GTF3C2: variants seen among roughly 807,000 people sequenced by gnomAD.
GTF3C2 encodes the protein general transcription factor IIIC subunit 2.
A neutral mutation model predicts 117.4 loss-of-function variants in GTF3C2; 17 were observed. The observed-to-expected ratio is 0.14, with a 90% confidence interval of 0.10 to 0.22. The LOEUF is 0.22. GTF3C2 is among the 10% of genes least tolerant of loss of function. The pLI is 1.00. For missense variants in GTF3C2, 888 were observed against 1,143.6 expected (o/e 0.78, Z 3.22); for synonymous variants, 437 against 427.0 (o/e 1.02, Z -0.29).
intron 1 of GTF3C2, among the ~76,000 whole-genome samples, chr2:27,354,627 C>T (rs1572588938): frequency 1.3e-5 from 2 of 151,986 alleles, no homozygotes; most frequent in Non-Finnish European, 2.9e-5. Flanking sequence ...TGGTGGCAGG[C>T]GCCTGTAATC....
chr2:27,335,774 A>G, intron 9 of GTF3C2, 68 bp from the exon 10 acceptor site: 1 of 1,161,126 alleles, frequency 8.6e-7, no homozygotes, highest in South Asian at 1.3e-5. Flanking sequence ...TTGAGGTTCT[A>G]GTCCCTGAAA....
exon 5 of GTF3C2, chr2:27,337,989 G>A (rs1680558763): frequency 3.1e-6 from 5 of 1,611,954 alleles, no homozygotes; most frequent in Non-Finnish European, 4.2e-6. Flanking sequence ...TAAGCCATTG[G>A]GAGCCATTCC....
chr2:27,337,657 C>A, intron 5 of GTF3C2, 99 bp from the exon 6 acceptor site: 1 of 870,402 alleles, frequency 1.1e-6, no homozygotes, highest in Non-Finnish European at 1.9e-6. Flanking sequence ...ATTATCTGTG[C>A]TCCCCAATAT....
exon 19 of GTF3C2, chr2:27,326,620 T>C (rs762728750): frequency 3.1e-6 from 4 of 1,307,512 alleles, no homozygotes; most frequent in African/African-American, 1.5e-5. Flanking sequence ...GCTCTGTGCA[T>C]AGGGGCCATT....
intron 4 of GTF3C2, among the ~76,000 whole-genome samples, chr2:27,340,995 T>C (rs1362093779): frequency 1.3e-5 from 2 of 152,182 alleles, no homozygotes; most frequent in African/African-American, 4.8e-5. Flanking sequence ...TTAAAAATGT[T>C]TGTTGTACAG....
rs1361319917 is a variant in GTF3C2, at chr2:27,344,743, A to G, written c.-24-1165T>C. Among the ~76,000 whole-genome samples, 5 of 152,278 alleles carry G rather than the reference A, an allele frequency of 3.3e-5. No individual in the cohort carries two copies. The East Asian group carries it at 9.6e-4, about 29-fold the overall frequency. On this transcript the variant is annotated intron_variant, in intron 1 of 18. Coordinates refer to ENST00000264720, the Ensembl canonical transcript of GTF3C2. ...TCATGCCTGTAATTCCAACACTTTG[A>G]GAGGCCAAGGAAGAAGGACTGCTTG...
intron 5 of GTF3C2, 38 bp downstream of exon 5, chr2:27,337,886 ACC>A (rs1326117863): frequency 5.1e-6 from 6 of 1,171,056 alleles, no homozygotes; most frequent in Non-Finnish European, 6.4e-6. Context: ...CTCCTCTACC[ACC>A]CCTTTATTAA....
chr2:27,331,966 C>T (rs181238846), intron 12 of GTF3C2, among the ~76,000 whole-genome samples: 1 of 152,146 alleles, frequency 6.6e-6, no homozygotes, highest in Non-Finnish European at 1.5e-5. Context: ...AACCTAATAA[C>T]TCCAACTACT....
At chr2:27,339,789 C>G (rs1680648785) in intron 4 of GTF3C2, 1 of 152,010 alleles carries the variant, frequency 6.6e-6, no homozygotes, top group African/African-American at 2.4e-5. Context: ...GAATTCAAGA[C>G]CAGCCTGGCC....
chr2:27,354,782 C>G (rs559586533), intron 1 of GTF3C2, among the ~76,000 whole-genome samples: 1 of 152,218 alleles, frequency 6.6e-6, no homozygotes, highest in Admixed American at 6.5e-5. Flanking sequence ...TTTTCTACAT[C>G]AGTATACATA....
At chr2:27,336,362 G>A in exon 8 of GTF3C2, 2 of 1,613,370 alleles carry the variant, frequency 1.2e-6, no homozygotes, top group Non-Finnish European at 8.5e-7. Flanking sequence ...CCAGAGCCCA[G>A]AGCGGTCCCC....
chr2:27,329,398 G>T lies in GTF3C2; in HGVS notation c.1858C>A (p.Gln620Lys). ...CCATACCTGTTAGCTTTGCACCATT[G>T]AAGGGTACGCACAGCCTGGTCATGG... Residue 620 changes from glutamine (Q) to lysine (K), a missense_variant, in exon 13 of 19, where the codon CAA becomes AAA. By Grantham distance (53) the Gln-to-Lys change is moderately conservative. Transcript: ENST00000264720. The surrounding 1 kb of genome is among the most constrained non-coding windows in gnomAD (Gnocchi z 4.5). 6.2e-7 allele frequency: 1 copy of T among 1,614,126 alleles called. No individual in the cohort carries two copies. The highest frequency in any genetic ancestry group is 8.5e-7 in the Non-Finnish European group (1 of 1,180,018).
chr2:27,352,231 C>A (rs1359969896), intron 1 of GTF3C2, among the ~76,000 whole-genome samples: 1 of 152,174 alleles, frequency 6.6e-6, no homozygotes, highest in African/African-American at 2.4e-5. Context: ...AACCATCCAA[C>A]TCTTTTATGT....
intron 4 of GTF3C2, chr2:27,341,377 G>GTT (rs1680724201): frequency 6.5e-6 from 1 of 153,020 alleles, no homozygotes; most frequent in Non-Finnish European, 1.5e-5. Flanking sequence ...CAAATTTTAT[G>GTT]TTATATACAT....
chr2:27,326,329 C>G (rs1680071421), exon 19 of GTF3C2: 2 of 456,434 alleles, frequency 4.4e-6, no homozygotes, highest in Non-Finnish European at 8.5e-6. Context: ...CAAGTGGTCA[C>G]AAAAACACCC....
chr2:27,328,864 G>A, exon 15 of GTF3C2: 3 of 1,612,744 alleles, frequency 1.9e-6, no homozygotes, highest in Non-Finnish European at 2.5e-6. Context: ...CCTTTTCGAG[G>A]AGCAGTGAAG....
intron 6 of GTF3C2, 34 bp from the exon 7 acceptor site, chr2:27,337,376 G>A: frequency 1.3e-6 from 2 of 1,529,502 alleles, no homozygotes; most frequent in Non-Finnish European, 1.8e-6. Context: ...TCTAAATTTG[G>A]AAGTGTTTCA....
chr2:27,334,075 G>T (rs1359338735), intron 10 of GTF3C2, 76 bp from the exon 11 acceptor site: 2 of 1,054,126 alleles, frequency 1.9e-6, no homozygotes, highest in East Asian at 2.4e-5. Context: ...ACCCAGGCCC[G>T]AGTGCAGTGG....
intron 16 of GTF3C2, 59 bp from the exon 17 acceptor site, chr2:27,328,248 G>C: frequency 7.1e-7 from 1 of 1,404,554 alleles, no homozygotes; most frequent in South Asian, 1.3e-5. Flanking sequence ...AAAAGCAGAG[G>C]AAAGTGGTTT....
Sources: allele counts gnomAD v4.1 joint callset (sites outside exome capture counted in the v4.1 genomes callset), GRCh38; gene constraint gnomAD v4.1.1; non-coding constraint Gnocchi (gnomAD v3.1); transcripts MANE v1.5; gene names NCBI Gene and HGNC (gene_info 2026-07-23, HGNC 2026-07-21).